Variants in LSMEM2 observed in about 807,000 individuals in gnomAD.
LSMEM2 encodes leucine-rich single-pass membrane protein 2.
LSMEM2 carries 20 observed loss-of-function variants against 17.3 expected under a neutral mutation model. That is an observed-to-expected ratio of 1.16 (90% CI 0.81 to 1.68). The LOEUF (loss-of-function observed/expected upper bound fraction) is 1.68, where lower values mean the gene tolerates loss of function less well. LSMEM2 is among the 40% of genes most tolerant of loss of function. The pLI, the probability that LSMEM2 is intolerant of heterozygous loss-of-function variation, is 0.00. For synonymous variants in LSMEM2, 94 were observed against 97.8 expected, an observed-to-expected ratio of 0.96 and a Z score of 0.23; for missense variants, 207 against 214.3, an observed-to-expected ratio of 0.97 and a Z score of 0.21.
At position 50,286,516 on chromosome 3, in the gene LSMEM2, T is replaced by C. The variant is rs782725963; in HGVS notation, c.104T>C (p.Leu35Ser). 9.9e-6 allele frequency: 16 copies of C among 1,611,420 alleles called. No homozygotes were observed. In the South Asian group the frequency reaches 1.5e-4, roughly 16 times the overall value. ...MMPSQRSRGP[L>S]APNHVHEVCL... The stretch of plus-strand genomic sequence containing the variant: ...CCCAGCCAGAGGAGCAGGGGGCCAT[T>C]GGCCCCCAACCACGTGCATGAGGTA... Residue 35 changes from leucine to serine, a missense_variant, in exon 2 of 4, where the codon TTG becomes TCG. By Grantham distance (145) the Leu-to-Ser change is moderately radical. Transcript: ENST00000316436.
At position 50,288,069 on chromosome 3, in the gene LSMEM2, T is replaced by G; in HGVS notation, c.*867T>G. 1 of 915,042 alleles carries G rather than the reference T, an allele frequency of 1.1e-6. No homozygotes were observed. Among genetic ancestry groups the G allele is most frequent in the Non-Finnish European group, 1.7e-6 (1 of 584,978 alleles). The allele number at this position is 915,042 out of a possible 1,614,324, so 56.7% of individuals were successfully genotyped here. On this transcript the variant is annotated 3_prime_UTR_variant, in exon 4 of 4. Transcript: ENST00000316436. ...CCCCAGCTACCCACCCCATGTCTGT[T>G]TTTGGTTTTGTCATTAAAAAAAATA...
upstream of LSMEM2, among the ~76,000 whole-genome samples, chr3:50,278,770 A>T (rs587632582): frequency 1.7e-3 from 263 of 152,288 alleles, 1 homozygote; most frequent in Non-Finnish European, 3.3e-3. Context: ...GGGTGGCCAA[A>T]TAGAGATGCA....
chr3:50,279,293 T>TGCTCCA (rs1208432133), intron 1 of LSMEM2, 122 bp downstream of exon 1: 2 of 896,720 alleles, frequency 2.2e-6, no homozygotes, highest in Non-Finnish European at 3.6e-6. Flanking sequence ...CCCATTTTCA[T>TGCTCCA]GCTCCAGCTC....
chr3:50,284,723 A>C (rs1294088617), intron 1 of LSMEM2, among the ~76,000 whole-genome samples: 1 of 151,906 alleles, frequency 6.6e-6, no homozygotes, highest in African/African-American at 2.4e-5. Flanking sequence ...AAAGAGTAAG[A>C]ATCTGTCTCA....
intron 1 of LSMEM2, among the ~76,000 whole-genome samples, chr3:50,282,687 C>T (rs144212779): frequency 1.3e-3 from 200 of 151,074 alleles, no homozygotes; most frequent in African/African-American, 4.7e-3. Context: ...GAGTTCAAGA[C>T]CAGCGTGGCC....
rs1701523837 is a variant in LSMEM2, at chr3:50,286,324, G to A, written c.59-147G>A. 5 of 1,200,400 alleles carry A rather than the reference G, an allele frequency of 4.2e-6. No homozygotes were observed. The South Asian group carries it at 7.9e-5, about 19-fold the overall frequency. 74.4% of individuals were successfully genotyped at this position (1,200,400 alleles called of 1,614,324 possible). Reference sequence around the variant, plus strand: ...TGGGATCATCCTGGATCCAAATCAAGGGTAATTCCTGAGTCAGTTTTAGGG... The same window carrying A: ...TGGGATCATCCTGGATCCAAATCAAAGGTAATTCCTGAGTCAGTTTTAGGG... On this transcript the variant is annotated intron_variant, in intron 1 of 3. Coordinates refer to ENST00000316436, the MANE Select transcript of LSMEM2 (RefSeq NM_153215.3).
chr3:50,286,285 A>G (rs1553708405), intron 1 of LSMEM2, 186 bp from the exon 2 acceptor site: 11 of 403,276 alleles, frequency 2.7e-5, no homozygotes, highest in Non-Finnish European at 3.7e-5. Context: ...ATACAGAATA[A>G]GCCTGTAAGG....
chr3:50,287,190 A>C lies in LSMEM2; in HGVS notation c.483A>C (p.Gln161His). The C allele has an allele frequency of 1.2e-6, 2 of 1,609,524 alleles. No homozygotes were observed. Among genetic ancestry groups the C allele is most frequent in the Non-Finnish European group, 1.7e-6 (2 of 1,178,962 alleles). ...QLRRLNSSEA[Q>H]APS Reference sequence around the variant, plus strand: ...GGAGGCTCAACTCCAGTGAGGCCCAAGCACCCAGCTGAGATGCCATTTGGA... The same window carrying C: ...GGAGGCTCAACTCCAGTGAGGCCCACGCACCCAGCTGAGATGCCATTTGGA... The change falls in exon 4 of 4, where the codon CAA (glutamine) becomes CAC (histidine). Residue 161 changes from glutamine to histidine, a missense_variant. By Grantham distance (24) the Gln-to-His change is conservative. Transcript: ENST00000316436.
In LSMEM2 at chr3:50,284,989, T is replaced by C. The variant is rs587760032; in HGVS notation, c.59-1482T>C. Among the ~76,000 whole-genome samples the C allele has an allele frequency of 1.1e-4, 16 of 151,370 alleles. No individual in the cohort carries two copies. In the South Asian group the frequency reaches 2.9e-3, roughly 28 times the overall value. ...AGGTGGAGGTTGCAATGAGCCAAGATTGCGCCACTGCACTCCAGCCTGGGC... is the reference window on the plus strand; with the variant it reads ...AGGTGGAGGTTGCAATGAGCCAAGACTGCGCCACTGCACTCCAGCCTGGGC... On this transcript the variant is annotated intron_variant, in intron 1 of 3. Transcript: ENST00000316436.
At position 50,287,275 on chromosome 3, in the gene LSMEM2, T is replaced by G. The variant is rs1163936936; in HGVS notation, c.*73T>G. ...AAAGTGGCTATGGGCAGGTCTCTCC[T>G]TCCCTACTGCTGGCTGCCACATCTA... On this transcript the variant is annotated 3_prime_UTR_variant, in exon 4 of 4. Transcript: ENST00000316436. 5.1e-6 allele frequency: 8 copies of G among 1,576,380 alleles called. No individual in the cohort carries two copies. Among genetic ancestry groups the G allele is most frequent in the Non-Finnish European group, 6.9e-6 (8 of 1,151,880 alleles).
At chr3:50,286,962 A>T in intron 3 of LSMEM2, 100 bp downstream of exon 3, 1 of 1,586,488 alleles carries the variant, frequency 6.3e-7, no homozygotes, top group Non-Finnish European at 8.6e-7. Context: ...ATGCTGCAGC[A>T]GTGAAGGATG....
At chr3:50,286,299 TG>T in intron 1 of LSMEM2, 171 bp from the exon 2 acceptor site, 1 of 548,040 alleles carries the variant, frequency 1.8e-6, no homozygotes, top group South Asian at 7.9e-5. Context: ...TGTAAGGGTC[TG>T]GGATCATCCT....
intron 1 of LSMEM2, among the ~76,000 whole-genome samples, chr3:50,281,590 C>G (rs1553707771): frequency 6.6e-6 from 1 of 151,596 alleles, no homozygotes; most frequent in Admixed American, 6.6e-5. Flanking sequence ...GTCTCAAACT[C>G]CTGACCTTGT....
rs1701571558 is a variant in LSMEM2, at chr3:50,287,229, G to T, written c.*27G>T. On this transcript the variant is annotated 3_prime_UTR_variant, in exon 4 of 4. Transcript: ENST00000316436. ...ATGCCATTTGGATCTGGGGCCTGGG[G>T]GTGTGTGTTGGTGGGGGAATAAAGT... 12 of 1,612,750 alleles carry T rather than the reference G, an allele frequency of 7.4e-6. No individual in the cohort carries two copies. Among genetic ancestry groups the T allele is most frequent in the Non-Finnish European group, 1.0e-5 (12 of 1,179,378 alleles).
intron 1 of LSMEM2, among the ~76,000 whole-genome samples, chr3:50,284,114 G>A (rs1701464537): frequency 6.8e-6 from 1 of 147,700 alleles, no homozygotes; most frequent in South Asian, 2.2e-4. Flanking sequence ...GCTGAAGCAC[G>A]AGAATTGCTT....
At chr3:50,284,228 G>A (rs1001583827) in intron 1 of LSMEM2, among the ~76,000 whole-genome samples, 1 of 139,162 alleles carries the variant, frequency 7.2e-6, no homozygotes, top group Non-Finnish European at 1.5e-5. Context: ...AAAAAAAAGC[G>A]CCACACACGT....
chr3:50,287,702 G>A lies in LSMEM2; in HGVS notation c.*500G>A. The A allele has an allele frequency of 4.7e-6, 1 of 212,596 alleles. No individual in the cohort carries two copies. Among genetic ancestry groups the A allele is most frequent in the Non-Finnish European group, 9.6e-6 (1 of 104,544 alleles). 13.2% of individuals were successfully genotyped at this position (212,596 alleles called of 1,614,324 possible). A position where few individuals can be genotyped will look rare whatever the true frequency, so the allele number is the denominator to read the frequency against. On this transcript the variant is annotated 3_prime_UTR_variant, in exon 4 of 4. Transcript: ENST00000316436. ...TGGGCCCAAGCCTGGGATAGTAGAT[G>A]GGGAGGGAGAACAGAAAAATACCCA...
At chr3:50,279,338 A>G (rs1039296332) in intron 1 of LSMEM2, among the ~76,000 whole-genome samples, 167 bp downstream of exon 1, 2 of 152,130 alleles carry the variant, frequency 1.3e-5, no homozygotes, top group African/African-American at 4.8e-5. Flanking sequence ...CAGGGAGGAA[A>G]AGCCTGCCAT....
chr3:50,287,023 C>T (rs1701563523), intron 3 of LSMEM2, 46 bp from the exon 4 acceptor site: 1 of 1,609,726 alleles, frequency 6.2e-7, no homozygotes, highest in Non-Finnish European at 8.5e-7. Flanking sequence ...CTGCAGGGGT[C>T]ACGGGGTGGC....
Sources: allele counts gnomAD v4.1 joint callset (sites outside exome capture counted in the v4.1 genomes callset), GRCh38; gene constraint gnomAD v4.1.1; transcripts MANE v1.5; gene names NCBI Gene and HGNC (gene_info 2026-07-23, HGNC 2026-07-21).